The following LRP1B variants were observed in gnomAD, a reference collection of about 807,000 sequenced individuals.
LRP1B encodes the protein low-density lipoprotein receptor-related protein 1B.
Under a neutral mutation model 556.6 loss-of-function variants are expected in LRP1B, and 217 were observed. The observed-to-expected ratio is 0.39, with a 90% confidence interval of 0.35 to 0.44. The LOEUF (loss-of-function observed/expected upper bound fraction) is 0.44. LRP1B is among the 20% of genes least tolerant of loss of function. The pLI is 1.00. For synonymous variants in LRP1B, 2,047 were observed against 1,865.8 expected (o/e 1.10, Z -2.50); for missense variants, 5,053 against 5,620.8 (o/e 0.90, Z 3.23).
intron 7 of LRP1B, among the ~76,000 whole-genome samples, chr2:141,184,736 A>G (rs1010532857): frequency 2.6e-5 from 4 of 151,512 alleles, no homozygotes; most frequent in Admixed American, 2.0e-4. Flanking sequence ...TGCCTCAGCC[A>G]AAGTGCAGCG....
In LRP1B at chr2:141,212,249, A is replaced by ATTTTTTTTTTTTTTTTT. The variant is rs59699046; in HGVS notation, c.850+16917_850+16933dup. On this transcript the variant is annotated intron_variant, in intron 6 of 90. Transcript: ENST00000389484. ...AAGATATATTGATCAAAAAGTCTAG[A>ATTTTTTTTTTTTTTTTT]TTTTTTTTTTTTTTTTTTTTTTTTT... Among the ~76,000 whole-genome samples the ATTTTTTTTTTTTTTTTT allele has an allele frequency of 1.1e-4, 7 of 62,270 alleles. 1 individual carries two copies. The highest frequency in any genetic ancestry group is 4.6e-4 in the African/African-American group (7 of 15,158). 40.9% of individuals were successfully genotyped at this position (62,270 alleles called of 152,430 possible). A position where few individuals can be genotyped will look rare whatever the true frequency, so the allele number is the denominator to read the frequency against.
chr2:141,942,522 AC>A (rs1446644745), intron 1 of LRP1B, among the ~76,000 whole-genome samples: 2 of 152,102 alleles, frequency 1.3e-5, no homozygotes, highest in African/African-American at 4.8e-5. Flanking sequence ...AAAACAAAAA[AC>A]AAACCAACCA....
In LRP1B at chr2:141,001,985, C is replaced by A. The variant is rs575023487; in HGVS notation, c.2503+3350G>T. On this transcript the variant is annotated intron_variant, in intron 15 of 90. Coordinates refer to ENST00000389484, the MANE Select transcript of LRP1B (RefSeq NM_018557.3). ...GTAACTAAGATAAGATTCAGCCTAG[C>A]AGCCAACTTGGCAGACTTTAAGTTG... Among the ~76,000 whole-genome samples, 7 of 152,218 alleles carry A rather than the reference C, an allele frequency of 4.6e-5. 1 individual carries two copies. The South Asian group carries it at 1.5e-3, about 32-fold the overall frequency.
chr2:140,898,103 G>T (rs1316358360), intron 23 of LRP1B, among the ~76,000 whole-genome samples: 1 of 152,142 alleles, frequency 6.6e-6, no homozygotes, highest in Non-Finnish European at 1.5e-5. Context: ...GCTGCCCAGA[G>T]AAGTTCAGAA....
At chr2:141,667,101 T>C (rs1348603039) in intron 2 of LRP1B, among the ~76,000 whole-genome samples, 1 of 152,146 alleles carries the variant, frequency 6.6e-6, no homozygotes, top group African/African-American at 2.4e-5. Context: ...ATTATTTACA[T>C]ATTCTCCTGT....
chr2:140,656,230 C>CAGGTTTTGTGACAATAT (rs1684875030), intron 41 of LRP1B, among the ~76,000 whole-genome samples: 1 of 152,062 alleles, frequency 6.6e-6, no homozygotes, highest in Non-Finnish European at 1.5e-5. Flanking sequence ...AACATCTTGG[C>CAGGTTTTGTGACAATAT]AGGTTTTGTG....
At chr2:142,101,006 C>G (rs550887848) in intron 1 of LRP1B, among the ~76,000 whole-genome samples, 108 of 151,812 alleles carry the variant, frequency 7.1e-4, no homozygotes, top group Non-Finnish European at 1.2e-3. Context: ...TAAATCATAT[C>G]GCACAGGTAC....
chr2:141,593,434 AGGGGCCGGGCGCGGTGGCTC>A lies in LRP1B; in HGVS notation c.206-112921_206-112902del, dbSNP rs1687408525. Reference sequence around the variant, plus strand: ...ATACTGAATACTTTTTTTCTTAAGAAGGGGCCGGGCGCGGTGGCTCACGCCTGTAATCCCAGCACTTTGGG... The same window carrying A: ...ATACTGAATACTTTTTTTCTTAAGAAACGCCTGTAATCCCAGCACTTTGGG... On this transcript the variant is annotated intron_variant, in intron 2 of 90. Transcript: ENST00000389484. Among the ~76,000 whole-genome samples, 36 of 26,620 alleles carry A rather than the reference AGGGGCCGGGCGCGGTGGCTC, an allele frequency of 1.4e-3. 18 individuals carry two copies. The highest frequency in any genetic ancestry group is 4.1e-3 in the East Asian group (2 of 488). 17.5% of individuals were successfully genotyped at this position (26,620 alleles called of 152,430 possible). A position where few individuals can be genotyped will look rare whatever the true frequency, so the allele number is the denominator to read the frequency against.
chr2:140,558,335 C>T (rs898352547), intron 43 of LRP1B, among the ~76,000 whole-genome samples: 6 of 151,968 alleles, frequency 3.9e-5, no homozygotes, highest in Admixed American at 1.3e-4. Flanking sequence ...TTATAGTAGT[C>T]AAAAAGTAGA....
At chr2:141,624,688 G>C (rs1437849564) in intron 2 of LRP1B, among the ~76,000 whole-genome samples, 1 of 152,098 alleles carries the variant, frequency 6.6e-6, no homozygotes, top group East Asian at 1.9e-4. Context: ...CAAACTTTAT[G>C]TTAGCATTAT....
intron 41 of LRP1B, among the ~76,000 whole-genome samples, chr2:140,647,943 A>C (rs915805159): frequency 6.6e-6 from 1 of 152,208 alleles, no homozygotes; most frequent in African/African-American, 2.4e-5. Context: ...TACTGGGCAT[A>C]TACCCAAAGG....
intron 1 of LRP1B, among the ~76,000 whole-genome samples, chr2:141,907,717 G>A (rs745684173): frequency 1.3e-5 from 2 of 151,918 alleles, no homozygotes; most frequent in African/African-American, 4.8e-5. Context: ...CAATATTTTA[G>A]GTTTTGGGGA....
chr2:140,925,985 T>C (rs1372767207), intron 20 of LRP1B, among the ~76,000 whole-genome samples: 1 of 152,108 alleles, frequency 6.6e-6, no homozygotes, highest in Non-Finnish European at 1.5e-5. Flanking sequence ...TCCACTCATT[T>C]GTTTTCTTAT....
chr2:141,701,670 A>C (rs532358833), intron 2 of LRP1B, among the ~76,000 whole-genome samples: 2 of 151,930 alleles, frequency 1.3e-5, no homozygotes, highest in Admixed American at 1.3e-4. Context: ...GTATTTAATA[A>C]ATGATATTAA....
intron 60 of LRP1B, among the ~76,000 whole-genome samples, chr2:140,468,193 C>T (rs1203002454): frequency 6.6e-6 from 1 of 152,142 alleles, no homozygotes; most frequent in East Asian, 1.9e-4. Context: ...TTAGCCAGCC[C>T]AGCTGTGGCC....
intron 52 of LRP1B, among the ~76,000 whole-genome samples, chr2:140,509,641 T>A (rs888823130): frequency 6.6e-6 from 1 of 152,152 alleles, no homozygotes; most frequent in African/African-American, 2.4e-5. Flanking sequence ...CTCGTACACA[T>A]AAAGTGCAGT....
chr2:140,527,553 G>T (rs562957434), intron 47 of LRP1B, among the ~76,000 whole-genome samples: 9 of 151,896 alleles, frequency 5.9e-5, no homozygotes, highest in Middle Eastern at 3.5e-3. Context: ...ATGATGATTA[G>T]AATAAATGTT....
intron 3 of LRP1B, among the ~76,000 whole-genome samples, chr2:141,267,931 C>A (rs994063425): frequency 1.3e-5 from 2 of 152,122 alleles, no homozygotes; most frequent in African/African-American, 4.8e-5. Flanking sequence ...ATCCATATTG[C>A]TAGCAAAATT....
intron 81 of LRP1B, 93 bp downstream of exon 81, chr2:140,323,800 T>TAA: frequency 1.6e-6 from 1 of 629,630 alleles, no homozygotes; most frequent in African/African-American, 1.9e-5. Context: ...GTTAAGACAT[T>TAA]TACATAGTTA....
Sources: gnomAD v4.1 joint callset for allele counts (sites outside exome capture counted in the v4.1 genomes callset) on GRCh38, gnomAD v4.1.1 for gene constraint, MANE v1.5 for transcripts, NCBI Gene and HGNC (gene_info 2026-07-23, HGNC 2026-07-21) for gene names.